CEACAM8: variants seen among roughly 807,000 people sequenced by gnomAD.
CEACAM8 encodes the protein CEA cell adhesion molecule 8, also known as cell adhesion molecule CEACAM8.
Under a neutral mutation model 33.4 loss-of-function variants are expected in CEACAM8, and 31 were observed. The observed-to-expected ratio is 0.93, with a 90% confidence interval of 0.70 to 1.25. CEACAM8 has a LOEUF of 1.25. CEACAM8 is among the 50% of genes most tolerant of loss of function. The probability of loss-of-function intolerance (pLI) is 0.00; values close to 1 mark genes in which losing one functional copy is unlikely to be tolerated. For synonymous variants in CEACAM8, 138 were observed against 164.5 expected (o/e 0.84, Z 1.23); for missense variants, 388 against 434.6 (o/e 0.89, Z 0.95).
chr19:42,581,497 C>T (rs1356047127), intron 5 of CEACAM8, 144 bp from the exon 6 acceptor site: 1 of 152,158 alleles, frequency 6.6e-6, no homozygotes, highest in Non-Finnish European at 1.5e-5. Context: ...CTAGGAAACT[C>T]ATAATTTTTG....
rs367810787 is a variant in CEACAM8, at chr19:42,593,675, T to C, written c.290A>G (p.Asn97Ser). The change falls in exon 2 of 6, where the codon AAT (asparagine) becomes AGT (serine). Residue 97 changes from asparagine to serine, a missense_variant. Asn to Ser is a conservative substitution (Grantham distance 46, BLOSUM62 1). Coordinates refer to ENST00000244336, the MANE Select transcript of CEACAM8 (RefSeq NM_001816.4). ...TGCATTGGGGTATATTGTCTCTCGA[T>C]TGCTGTATGCAGGCCCTGGGGTAAT... ...QQITPGPAYS[N>S]RETIYPNASL... The C allele has an allele frequency of 6.2e-7, 1 of 1,614,152 alleles. No homozygotes were observed. The highest frequency in any genetic ancestry group is 8.5e-7 in the Non-Finnish European group (1 of 1,179,994).
At chr19:42,594,540 T>C (rs923042408) in intron 1 of CEACAM8, among the ~76,000 whole-genome samples, 1 of 152,232 alleles carries the variant, frequency 6.6e-6, no homozygotes, top group Non-Finnish European at 1.5e-5. Flanking sequence ...TGGCCAGTGA[T>C]GATTAACCAG....
At chr19:42,582,461 G>A (rs905563287) in intron 5 of CEACAM8, among the ~76,000 whole-genome samples, 1 of 152,258 alleles carries the variant, frequency 6.6e-6, no homozygotes, top group East Asian at 1.9e-4. Flanking sequence ...ATCAGGAAAA[G>A]GTTCTCAACC....
intron 5 of CEACAM8, among the ~76,000 whole-genome samples, chr19:42,581,735 G>C (rs1238240858): frequency 1.7e-4 from 25 of 149,304 alleles, no homozygotes; most frequent in Non-Finnish European, 4.5e-5. Flanking sequence ...ACTAAAAATA[G>C]AAAAATTAGC....
intron 4 of CEACAM8, among the ~76,000 whole-genome samples, chr19:42,586,595 C>A (rs2042341142): frequency 6.6e-6 from 1 of 152,030 alleles, no homozygotes; most frequent in South Asian, 2.1e-4. Flanking sequence ...CACAGTAGAT[C>A]AAAGACCAAA....
In CEACAM8 at chr19:42,594,756, T is replaced by C; in HGVS notation, c.64+9A>G. 1 of 1,606,272 alleles carries C rather than the reference T, an allele frequency of 6.2e-7. No homozygotes were observed. The highest frequency in any genetic ancestry group is 8.5e-7 in the Non-Finnish European group (1 of 1,174,476). ...CCTCCTGTCCTTTCCCAGGAAGTCC[T>C]CTCCTCACCTGTGAGCAGGAGCCCC... On this transcript the variant is annotated intron_variant, in intron 1 of 5. Coordinates refer to ENST00000244336, the MANE Select transcript of CEACAM8 (RefSeq NM_001816.4).
At chr19:42,585,568 G>A (rs139156582) in intron 4 of CEACAM8, among the ~76,000 whole-genome samples, 1 of 152,196 alleles carries the variant, frequency 6.6e-6, no homozygotes, top group African/African-American at 2.4e-5. Flanking sequence ...ATAAAAACAT[G>A]CTAAGTATGA....
At chr19:42,592,597 CAAAAAAAAAAAAAA>C (rs922130468) in intron 2 of CEACAM8, among the ~76,000 whole-genome samples, 4 of 41,884 alleles carry the variant, frequency 9.6e-5, no homozygotes, top group African/African-American at 2.6e-4. Flanking sequence ...GACTCCGTCT[CAAAAAAAAAAAAAA>C]AAAAAAAAAG....
At chr19:42,587,686 A>C (rs1024118633) in intron 4 of CEACAM8, among the ~76,000 whole-genome samples, 1 of 152,210 alleles carries the variant, frequency 6.6e-6, no homozygotes, top group Non-Finnish European at 1.5e-5. Flanking sequence ...TGATGGTTAC[A>C]TAACACTAAA....
At position 42,589,051 on chromosome 19, in the gene CEACAM8, A is replaced by C. The variant is rs1452137891; in HGVS notation, c.704-13T>G. 6.2e-7 allele frequency: 1 copy of C among 1,607,574 alleles called. No homozygotes were observed. The highest frequency in any genetic ancestry group is 1.7e-5 in the Admixed American group (1 of 59,798). On this transcript the variant is annotated splice_polypyrimidine_tract_variant and intron_variant, in intron 3 of 5. Transcript: ENST00000244336. ...GCATCTGGGCCATCTAGAGCAAAAG[A>C]ATAAAGTCACAGGTGATGTCATCAG...
At chr19:42,592,842 C>T (rs2042470131) in intron 2 of CEACAM8, among the ~76,000 whole-genome samples, 1 of 152,184 alleles carries the variant, frequency 6.6e-6, no homozygotes, top group South Asian at 2.1e-4. Flanking sequence ...TCTTCTATTT[C>T]TGTCCCTGGG....
intron 2 of CEACAM8, among the ~76,000 whole-genome samples, chr19:42,592,250 C>T (rs1264150781): frequency 6.6e-6 from 1 of 152,008 alleles, no homozygotes; most frequent in African/African-American, 2.4e-5. Flanking sequence ...TTTGTGTGAC[C>T]CTGGTTCAGT....
intron 3 of CEACAM8, 86 bp downstream of exon 3, chr19:42,589,371 G>C: frequency 6.3e-7 from 1 of 1,591,434 alleles, no homozygotes; most frequent in South Asian, 1.1e-5. Context: ...TGCATTTTTG[G>C]AGCTGAGAGG....
chr19:42,590,942 AT>A (rs2042427151), intron 2 of CEACAM8, among the ~76,000 whole-genome samples: 1 of 152,212 alleles, frequency 6.6e-6, no homozygotes, highest in African/African-American at 2.4e-5. Context: ...ACTTTTATAA[AT>A]TTTTGAACAT....
chr19:42,593,468 C>G, intron 2 of CEACAM8, 73 bp downstream of exon 2: 1 of 1,522,058 alleles, frequency 6.6e-7, no homozygotes, highest in Non-Finnish European at 8.8e-7. Flanking sequence ...TGGGCACAGC[C>G]CAGGCCTAAC....
In CEACAM8 at chr19:42,586,092, C is replaced by T. The variant is rs144033984; in HGVS notation, c.958+2692G>A. ...AAACATTGCTGAAGGAAATTAAATA[C>T]GACCTCAAAAAATGGGAAGACATTT... On this transcript the variant is annotated intron_variant, in intron 4 of 5. Transcript: ENST00000244336. Among the ~76,000 whole-genome samples the T allele has an allele frequency of 2.1e-4, 32 of 152,160 alleles. No individual in the cohort carries two copies. In the East Asian group the frequency reaches 3.3e-3, roughly 16 times the overall value.
At chr19:42,581,946 T>TATATATATATATATATATAA (rs765190705) in intron 5 of CEACAM8, among the ~76,000 whole-genome samples, 5 of 84,092 alleles carry the variant, frequency 5.9e-5, no homozygotes, top group Admixed American at 1.5e-4. Flanking sequence ...TATATATATA[T>TATATATATATATATATATAA]AAAATAAGGT....
intron 4 of CEACAM8, among the ~76,000 whole-genome samples, chr19:42,583,951 G>C (rs530815228): frequency 6.6e-6 from 1 of 152,114 alleles, no homozygotes; most frequent in African/African-American, 2.4e-5. Flanking sequence ...AATCTGCATC[G>C]TGGTCTGAGG....
intron 2 of CEACAM8, among the ~76,000 whole-genome samples, chr19:42,591,664 A>T (rs1165414286): frequency 6.6e-6 from 1 of 152,208 alleles, no homozygotes; most frequent in Non-Finnish European, 1.5e-5. Context: ...CCAGTGGCTC[A>T]TGCGTCTCCC....
Sources: allele counts gnomAD v4.1 joint callset (sites outside exome capture counted in the v4.1 genomes callset), GRCh38; gene constraint gnomAD v4.1.1; transcripts MANE v1.5; gene names NCBI Gene and HGNC (gene_info 2026-07-23, HGNC 2026-07-21).